Variants in RBM22 observed in about 807,000 individuals in gnomAD.
The protein encoded by RBM22 is RNA binding motif protein 22, also known as pre-mRNA-splicing factor RBM22.
Under a neutral mutation model 50.1 loss-of-function variants are expected in RBM22, and 1 was observed. That is an observed-to-expected ratio of 0.02 (90% confidence interval 0.01 to 0.09). The LOEUF (loss-of-function observed/expected upper bound fraction) is 0.09, where lower values mean the gene tolerates loss of function less well. Among genes scored for constraint, RBM22 ranks in the 10% least tolerant of loss-of-function variants. The probability of loss-of-function intolerance (pLI) is 1.00; values close to 1 mark genes in which losing one functional copy is unlikely to be tolerated. For synonymous variants in RBM22, 152 were observed against 179.0 expected (o/e 0.85, Z 1.20); for missense variants, 264 against 529.3 (o/e 0.50, Z 4.92).
intron 6 of RBM22, 112 bp from the exon 7 acceptor site, chr5:150,695,818 T>C (rs1171799017): frequency 2.4e-6 from 2 of 846,996 alleles, no homozygotes; most frequent in Admixed American, 2.7e-5. Flanking sequence ...GAAGTGCCTT[T>C]TGAACTAGAA....
chr5:150,699,391 A>T, intron 2 of RBM22, 120 bp from the exon 3 acceptor site: 1 of 1,364,220 alleles, frequency 7.3e-7, no homozygotes, highest in Non-Finnish European at 9.7e-7. Flanking sequence ...TCCTAGAGAG[A>T]GAAAAACAGC....
At position 150,694,090 on chromosome 5, in the gene RBM22, A is replaced by G. The variant is rs1302141262; in HGVS notation, c.897T>C (p.Asn299=). 6.2e-7 allele frequency: 1 copy of G among 1,612,164 alleles called. No individual in the cohort carries two copies. Among genetic ancestry groups the G allele is most frequent in the Admixed American group, 1.7e-5 (1 of 59,700 alleles). The part of the protein sequence containing the change: ...NKLIVNGRRL[N]VKWGRSQAAR... ...TTAATTCTCACCTTCCCCATTTCAC[A>G]TTCAGTCTGCGGCCATTTACAATCA... Residue 299 remains asparagine, a synonymous_variant, in exon 8 of 11, where the codon AAT becomes AAC. Transcript: ENST00000199814.
At chr5:150,699,204 T>C (rs1396340945) in intron 3 of RBM22, 38 bp downstream of exon 3, 1 of 1,573,134 alleles carries the variant, frequency 6.4e-7, no homozygotes, top group Non-Finnish European at 8.6e-7. Context: ...AAAAGAAAAA[T>C]GAAACAGAAA....
At position 150,700,501 on chromosome 5, in the gene RBM22, G is replaced by A; in HGVS notation, c.55-4C>T. The A allele has an allele frequency of 6.2e-7, 1 of 1,614,146 alleles. No homozygotes were observed. Among genetic ancestry groups the A allele is most frequent in the Non-Finnish European group, 8.5e-7 (1 of 1,180,040 alleles). Reference sequence around the variant, plus strand: ...TCTGGCACAGAATGGGGAAGTCCTGGTGAAAATGGGAAATCTGGTTGAGGA... The same window carrying A: ...TCTGGCACAGAATGGGGAAGTCCTGATGAAAATGGGAAATCTGGTTGAGGA... On this transcript the variant is annotated splice_polypyrimidine_tract_variant and splice_region_variant and intron_variant, in intron 1 of 10. Coordinates refer to ENST00000199814, the MANE Select transcript of RBM22 (RefSeq NM_018047.3).
chr5:150,695,019 A>C (rs1759257521), intron 7 of RBM22, among the ~76,000 whole-genome samples: 2 of 152,180 alleles, frequency 1.3e-5, no homozygotes, highest in African/African-American at 4.8e-5. Flanking sequence ...GCCAGGATGG[A>C]TAAGCACTCT....
At position 150,696,918 on chromosome 5, in the gene RBM22, C is replaced by T. The variant is rs374202107; in HGVS notation, c.272-27G>A. ...TGGTACAAAAAAAGAGGAAAAAGAC[C>T]TCAGATGTATTTTAAAACATATCCA... is the stretch of plus-strand genomic sequence containing the variant. On this transcript the variant is annotated intron_variant, in intron 4 of 10. Coordinates refer to ENST00000199814, the MANE Select transcript of RBM22 (RefSeq NM_018047.3). This position sits in a 1 kb window ranked among gnomAD's most constrained non-coding sequence, Gnocchi z 4.3. 6.3e-7 allele frequency: 1 copy of T among 1,598,298 alleles called. No homozygotes were observed. The highest frequency in any genetic ancestry group is 1.3e-5 in the African/African-American group (1 of 74,572).
chr5:150,698,701 ACGGGGCATT>A, intron 3 of RBM22, 70 bp from the exon 4 acceptor site: 2 of 1,552,916 alleles, frequency 1.3e-6, no homozygotes, highest in Admixed American at 1.9e-5. Flanking sequence ...TCTGATAACA[ACGGGGCATT>A]CAAAAAAGGA....
intron 7 of RBM22, among the ~76,000 whole-genome samples, chr5:150,695,040 G>C (rs2151456542): frequency 6.6e-6 from 1 of 152,252 alleles, no homozygotes; most frequent in Admixed American, 6.5e-5. Flanking sequence ...TTGAGCTTTG[G>C]TTCTGAGACA....
At position 150,700,329 on chromosome 5, in the gene RBM22, C is replaced by A. The variant is rs574544046; in HGVS notation, c.108+115G>T. 1.1e-4 allele frequency: 118 copies of A among 1,033,234 alleles called. 1 individual carries two copies. In the East Asian group the frequency reaches 2.7e-3, roughly 24 times the overall value. 64.0% of individuals were successfully genotyped at this position (1,033,234 alleles called of 1,614,324 possible). A position where few individuals can be genotyped will look rare whatever the true frequency, so the allele number is the denominator to read the frequency against. On this transcript the variant is annotated intron_variant, in intron 2 of 10. Transcript: ENST00000199814. ...GTTCTTTGCAAGTCGTCCAGCACTTCGCGTTAGTAAAAGAGCATCATTTTT... is the reference window on the plus strand; with the variant it reads ...GTTCTTTGCAAGTCGTCCAGCACTTAGCGTTAGTAAAAGAGCATCATTTTT...
intron 6 of RBM22, 128 bp from the exon 7 acceptor site, chr5:150,695,834 G>A: frequency 1.4e-6 from 1 of 716,082 alleles, no homozygotes; most frequent in Non-Finnish European, 2.3e-6. Flanking sequence ...TAGAAACTAT[G>A]GTTTCTACCA....
chr5:150,698,062 C>T (rs905368148), intron 4 of RBM22, among the ~76,000 whole-genome samples: 1 of 152,086 alleles, frequency 6.6e-6, no homozygotes, highest in African/African-American at 2.4e-5. Context: ...TTCGAAGTTG[C>T]AGTGAGCTGT....
At chr5:150,692,659 T>A (rs1019909335) in intron 10 of RBM22, among the ~76,000 whole-genome samples, 4 of 152,176 alleles carry the variant, frequency 2.6e-5, no homozygotes, top group Admixed American at 6.5e-5. Context: ...ATCTTTGTAA[T>A]CTAATAATCT....
At position 150,694,152 on chromosome 5, in the gene RBM22, C is replaced by T. The variant is rs1252790019; in HGVS notation, c.835G>A (p.Ala279Thr). 3 of 1,614,136 alleles carry T rather than the reference C, an allele frequency of 1.9e-6. No individual in the cohort carries two copies. In the East Asian group the frequency reaches 6.7e-5, roughly 36 times the overall value. Residue 279 changes from alanine to threonine, a missense_variant, in exon 8 of 11, where the codon GCT (alanine) becomes ACT (threonine). Coordinates refer to ENST00000199814, the MANE Select transcript of RBM22 (RefSeq NM_018047.3). ...GACTTCTCAGCAGCCACTTCTGCAGCCTGCCGTGTGGCAAACTGGATGAAA... is the reference window on the plus strand; with the variant it reads ...GACTTCTCAGCAGCCACTTCTGCAGTCTGCCGTGTGGCAAACTGGATGAAA... ...CAFIQFATRQ[A>T]AEVAAEKSFN... is the part of the protein sequence containing the mutation.
chr5:150,694,000 C>T (rs1455097815), intron 8 of RBM22, 76 bp downstream of exon 8: 6 of 1,543,716 alleles, frequency 3.9e-6, no homozygotes, highest in African/African-American at 1.4e-5. Context: ...AACCAAAAGC[C>T]TACTAGTCTC....
At chr5:150,700,853 C>T in intron 1 of RBM22, 79 bp downstream of exon 1, 1 of 1,613,348 alleles carries the variant, frequency 6.2e-7, no homozygotes, top group South Asian at 1.1e-5. Context: ...TTCGGCCGCG[C>T]CGCAGGCCCT....
In RBM22 at chr5:150,691,641, A is replaced by C; in HGVS notation, c.*110T>G. ...TCTCTGACTGCTCACATCTGAGCAC[A>C]TTCAGCTACCATGGAAACTACAAGG... On this transcript the variant is annotated 3_prime_UTR_variant, in exon 11 of 11. Transcript: ENST00000199814. 7.8e-7 allele frequency: 1 copy of C among 1,285,644 alleles called. No homozygotes were observed. Among genetic ancestry groups the C allele is most frequent in the African/African-American group, 1.5e-5 (1 of 66,366 alleles). 79.6% of individuals were successfully genotyped at this position (1,285,644 alleles called of 1,614,324 possible).
chr5:150,692,338 T>C (rs1272673779), intron 10 of RBM22, among the ~76,000 whole-genome samples: 3 of 152,216 alleles, frequency 2.0e-5, no homozygotes, highest in Non-Finnish European at 4.4e-5. Context: ...CTGTTAACAC[T>C]GTCTACAGCA....
chr5:150,697,476 A>G lies in RBM22; in HGVS notation c.272-585T>C, dbSNP rs116082817. ...ATTTTTAGATGAACAAACTGTGCCC[A>G]TGGTCATATTCAACCTGTAAATTAG... On this transcript the variant is annotated intron_variant, in intron 4 of 10. Transcript: ENST00000199814. Among the ~76,000 whole-genome samples, 917 of 152,328 alleles carry G rather than the reference A, an allele frequency of 6.0e-3. 11 individuals are homozygous for G. Among genetic ancestry groups the G allele is most frequent in the African/African-American group, 0.022 (895 of 41,582 alleles).
intron 10 of RBM22, among the ~76,000 whole-genome samples, chr5:150,692,284 G>A (rs76117195): frequency 6.6e-6 from 1 of 152,138 alleles, no homozygotes; most frequent in African/African-American, 2.4e-5. Context: ...TCAGAGTATG[G>A]GCTCTCTGCC....
Sources: gnomAD v4.1 joint callset for allele counts (sites outside exome capture counted in the v4.1 genomes callset) on GRCh38, gnomAD v4.1.1 for gene constraint, Gnocchi (gnomAD v3.1) non-coding constraint, MANE v1.5 for transcripts, NCBI Gene and HGNC (gene_info 2026-07-23, HGNC 2026-07-21) for gene names.